MRAP2: variants seen among roughly 807,000 people sequenced by gnomAD.
MRAP2 encodes the protein melanocortin-2 receptor accessory protein 2.
In MRAP2, 20 loss-of-function variants were observed where a neutral mutation model predicts 17.4. That is an observed-to-expected ratio of 1.15 (90% CI 0.81 to 1.67). MRAP2 has a LOEUF of 1.67. Ranked by LOEUF, MRAP2 falls within the 40% of genes most tolerant of loss-of-function variation. The pLI is 0.00. For missense variants in MRAP2, 238 were observed against 240.0 expected (o/e 0.99, Z 0.05); for synonymous variants, 96 against 88.4 (o/e 1.09, Z -0.48).
At chr6:84,037,870 A>G (rs192342245) in intron 1 of MRAP2, among the ~76,000 whole-genome samples, 1,890 of 152,222 alleles carry the variant, frequency 0.012, 46 homozygotes, top group African/African-American at 0.043. Flanking sequence ...AGCCTCGGCC[A>G]GCCCAGAGAG....
intron 2 of MRAP2, chr6:84,062,667 A>T: frequency 1.0e-6 from 1 of 985,424 alleles, no homozygotes; most frequent in African/African-American, 1.7e-5. Context: ...TGAGTCAATG[A>T]GGCCTAAATC....
the MRAP2 span, among the ~76,000 whole-genome samples, chr6:84,140,261 T>C: frequency 6.6e-6 from 1 of 152,068 alleles, no homozygotes; most frequent in Non-Finnish European, 1.5e-5. Context: ...TTTCAAACTT[T>C]GTTGTTTGGT....
chr6:84,146,252 C>T, the MRAP2 span, among the ~76,000 whole-genome samples: 82 of 152,176 alleles, frequency 5.4e-4, no homozygotes, highest in African/African-American at 1.9e-3. Flanking sequence ...GTGTGCTGCA[C>T]GTATTAATAA....
In MRAP2 at chr6:84,033,845, G is replaced by C; in HGVS notation, c.-46G>C. On this transcript the variant is annotated 5_prime_UTR_variant, in exon 1 of 4. Coordinates refer to ENST00000257776, the MANE Select transcript of MRAP2 (RefSeq NM_138409.4). Reference sequence around the variant, plus strand: ...CGCACCTCGGAGGAGCCAGGAGCCGGAACCAGGGCCGAGCCCGCGGGCCGG... The same window carrying C: ...CGCACCTCGGAGGAGCCAGGAGCCGCAACCAGGGCCGAGCCCGCGGGCCGG... 1.0e-6 allele frequency: 1 copy of C among 987,292 alleles called. No homozygotes were observed. The highest frequency in any genetic ancestry group is 1.2e-6 in the Non-Finnish European group (1 of 831,126). 61.2% of individuals were successfully genotyped at this position (987,292 alleles called of 1,614,324 possible).
chr6:84,115,721 G>A, the MRAP2 span, among the ~76,000 whole-genome samples: 1 of 152,168 alleles, frequency 6.6e-6, no homozygotes, highest in East Asian at 1.9e-4. Context: ...GGCACCGCAG[G>A]GAATCTCCTG....
intron 1 of MRAP2, chr6:84,052,910 C>T: frequency 2.4e-6 from 1 of 409,370 alleles, no homozygotes; most frequent in Non-Finnish European, 3.3e-6. Flanking sequence ...AGTAATCCAT[C>T]CCTAAATAGT....
At chr6:84,110,994 G>A in the MRAP2 span, among the ~76,000 whole-genome samples, 2 of 152,096 alleles carry the variant, frequency 1.3e-5, no homozygotes, top group East Asian at 3.9e-4. Flanking sequence ...TGCTGTTTTG[G>A]TTACTGTAGC....
intron 1 of MRAP2, among the ~76,000 whole-genome samples, chr6:84,049,921 G>C (rs1316932357): frequency 1.3e-5 from 2 of 152,092 alleles, no homozygotes; most frequent in Non-Finnish European, 2.9e-5. Context: ...AAACTTGGCA[G>C]TGTAGAAAAA....
At chr6:84,071,340 G>T (rs2099496139) in intron 3 of MRAP2, among the ~76,000 whole-genome samples, 1 of 152,272 alleles carries the variant, frequency 6.6e-6, no homozygotes, top group East Asian at 1.9e-4. Flanking sequence ...CATATATGAT[G>T]CTTAGTTTCA....
the MRAP2 span, among the ~76,000 whole-genome samples, chr6:84,099,474 C>T: frequency 5.3e-4 from 81 of 152,076 alleles, no homozygotes; most frequent in African/African-American, 1.9e-3. Context: ...ATGTAACCTC[C>T]GATGTTGGAG....
chr6:84,097,104 A>T, the MRAP2 span, among the ~76,000 whole-genome samples: 2 of 152,222 alleles, frequency 1.3e-5, no homozygotes, highest in Non-Finnish European at 2.9e-5. Context: ...TTCCCATTTC[A>T]TGCAGTGAAA....
chr6:84,050,910 A>G (rs975727115), intron 1 of MRAP2, among the ~76,000 whole-genome samples: 2 of 152,164 alleles, frequency 1.3e-5, no homozygotes, highest in African/African-American at 4.8e-5. Context: ...GATTTGTGGC[A>G]CTGGCTGGCA....
intron 1 of MRAP2, among the ~76,000 whole-genome samples, chr6:84,041,978 T>C (rs1205986300): frequency 6.6e-6 from 1 of 152,104 alleles, no homozygotes; most frequent in Admixed American, 6.5e-5. Context: ...AAGAGTGTAA[T>C]GATATGGTTA....
At chr6:84,127,056 T>C in the MRAP2 span, among the ~76,000 whole-genome samples, 1 of 152,152 alleles carries the variant, frequency 6.6e-6, no homozygotes, top group Non-Finnish European at 1.5e-5. Context: ...GAGCCCTTTC[T>C]GTGTTGACTG....
At chr6:84,109,891 G>A in the MRAP2 span, among the ~76,000 whole-genome samples, 1 of 151,970 alleles carries the variant, frequency 6.6e-6, no homozygotes, top group African/African-American at 2.4e-5. Context: ...TGAGAATGAT[G>A]GTTTCCAGCT....
At chr6:84,044,860 G>C (rs947561745) in intron 1 of MRAP2, among the ~76,000 whole-genome samples, 11 of 152,120 alleles carry the variant, frequency 7.2e-5, no homozygotes, top group Admixed American at 1.3e-4. Flanking sequence ...CCACACCCGT[G>C]GGTTCCACAT....
the MRAP2 span, among the ~76,000 whole-genome samples, chr6:84,117,892 C>T: frequency 2.0e-5 from 3 of 152,108 alleles, no homozygotes; most frequent in Non-Finnish European, 4.4e-5. Flanking sequence ...GTTGTTGGGC[C>T]GAATGCACCT....
At chr6:84,034,555 TA>T (rs1421430094) in intron 1 of MRAP2, among the ~76,000 whole-genome samples, 2 of 147,304 alleles carry the variant, frequency 1.4e-5, no homozygotes, top group East Asian at 4.1e-4. Flanking sequence ...TCTGTGTAAT[TA>T]ATTGAGGAAG....
intron 2 of MRAP2, among the ~76,000 whole-genome samples, chr6:84,056,463 GAGT>G (rs1182099796): frequency 6.6e-6 from 1 of 152,140 alleles, no homozygotes; most frequent in African/African-American, 2.4e-5. Context: ...CCCCTTAAGT[GAGT>G]AGTAATAATT....
Sources: allele counts gnomAD v4.1 joint callset (sites outside exome capture counted in the v4.1 genomes callset), GRCh38; gene constraint gnomAD v4.1.1; transcripts MANE v1.5; gene names NCBI Gene and HGNC (gene_info 2026-07-23, HGNC 2026-07-21).